CACNA2D3: variants seen among roughly 807,000 people sequenced by gnomAD.
CACNA2D3 encodes the protein calcium voltage-gated channel auxiliary subunit alpha2delta 3.
In CACNA2D3, 60 loss-of-function variants were observed where a neutral mutation model predicts 160.6. The ratio of observed to expected loss-of-function variants is 0.37; its 90% CI spans 0.30 to 0.46. The LOEUF is 0.46. Ranked by LOEUF, CACNA2D3 falls within the 20% of genes least tolerant of loss-of-function variation. The pLI is 1.00. For synonymous variants in CACNA2D3, 558 were observed against 492.9 expected (o/e 1.13, Z -1.75); for missense variants, 1,205 against 1,365.0 (o/e 0.88, Z 1.85).
intron 5 of CACNA2D3, among the ~76,000 whole-genome samples, chr3:54,517,321 A>G (rs1701567672): frequency 6.6e-6 from 1 of 152,226 alleles, no homozygotes; most frequent in Admixed American, 6.5e-5. Context: ...GGTCAAAGCC[A>G]GATTAGAGTG....
At chr3:54,963,776 T>C (rs184898701) in intron 27 of CACNA2D3, among the ~76,000 whole-genome samples, 6 of 152,326 alleles carry the variant, frequency 3.9e-5, no homozygotes, top group African/African-American at 7.2e-5. Flanking sequence ...GTTGTGTCTC[T>C]CACATCTTTT....
At chr3:55,056,950 C>T (rs535758799) in intron 35 of CACNA2D3, among the ~76,000 whole-genome samples, 3 of 152,286 alleles carry the variant, frequency 2.0e-5, no homozygotes, top group African/African-American at 7.2e-5. Context: ...GAATAAATCT[C>T]AAATGCTCTC....
chr3:54,772,140 A>G (rs2107114198), intron 13 of CACNA2D3, among the ~76,000 whole-genome samples: 1 of 149,042 alleles, frequency 6.7e-6, no homozygotes, highest in East Asian at 2.0e-4. Flanking sequence ...GTAGGTAAGT[A>G]TTTGTTGATT....
intron 16 of CACNA2D3, among the ~76,000 whole-genome samples, chr3:54,844,904 A>G (rs148751411): frequency 0.012 from 1,795 of 152,264 alleles, 25 homozygotes; most frequent in Non-Finnish European, 0.017. Context: ...CCCAAATACA[A>G]TTTTTGCCTT....
At chr3:54,726,471 A>G (rs1395074302) in intron 11 of CACNA2D3, among the ~76,000 whole-genome samples, 1 of 152,232 alleles carries the variant, frequency 6.6e-6, no homozygotes, top group Non-Finnish European at 1.5e-5. Context: ...CTGGGCAAGA[A>G]GAGCAAGGCT....
chr3:54,793,394 G>C (rs1559583771), intron 13 of CACNA2D3, among the ~76,000 whole-genome samples: 2 of 152,292 alleles, frequency 1.3e-5, no homozygotes, highest in East Asian at 3.9e-4. Context: ...CTGTCTAAAT[G>C]CCCAGAATTC....
intron 4 of CACNA2D3, among the ~76,000 whole-genome samples, chr3:54,387,150 A>G (rs1446839283): frequency 6.6e-6 from 1 of 152,248 alleles, no homozygotes; most frequent in Non-Finnish European, 1.5e-5. Context: ...ACTGAAAGCA[A>G]TACTGTGATG....
intron 5 of CACNA2D3, among the ~76,000 whole-genome samples, chr3:54,554,708 G>A (rs185737440): frequency 2.4e-3 from 360 of 152,238 alleles, no homozygotes; most frequent in African/African-American, 8.3e-3. Context: ...CTAACCAGTG[G>A]TAAGTGAGAT....
chr3:54,896,667 T>C (rs1472305064), intron 25 of CACNA2D3, 82 bp from the exon 26 acceptor site: 5 of 1,560,368 alleles, frequency 3.2e-6, no homozygotes, highest in Non-Finnish European at 4.4e-6. Context: ...TGGTTTTACC[T>C]GATGAAGGCT....
intron 11 of CACNA2D3, among the ~76,000 whole-genome samples, chr3:54,685,087 C>G (rs1278523938): frequency 6.6e-6 from 1 of 152,028 alleles, no homozygotes; most frequent in Non-Finnish European, 1.5e-5. Flanking sequence ...TGACGAGGCT[C>G]CAGAGAACAA....
At chr3:54,846,660 T>C (rs1698938885) in intron 17 of CACNA2D3, among the ~76,000 whole-genome samples, 193 bp downstream of exon 17, 1 of 152,254 alleles carries the variant, frequency 6.6e-6, no homozygotes. Flanking sequence ...TGGATAAATA[T>C]ATTTACCATT....
At position 54,255,356 on chromosome 3, in the gene CACNA2D3, G is replaced by A. The variant is rs528265691; in HGVS notation, c.205-65086G>A. On this transcript the variant is annotated intron_variant, in intron 2 of 37. Coordinates refer to ENST00000474759, the MANE Select transcript of CACNA2D3 (RefSeq NM_018398.3). ...AATGATCCTGTAAATTCCTAGCAAC[G>A]TGGGACCACTCTTGCGGCTTGCAAA... 3.3e-5 allele frequency among the ~76,000 whole-genome samples: 5 copies of A among 152,330 alleles called. No homozygotes were observed. The South Asian group carries it at 1.0e-3, about 32-fold the overall frequency.
chr3:54,540,976 T>A (rs992356350), intron 5 of CACNA2D3, among the ~76,000 whole-genome samples: 7 of 151,988 alleles, frequency 4.6e-5, no homozygotes, highest in Admixed American at 6.6e-5. Context: ...TAATAATAGG[T>A]GTCCTTTTAA....
intron 2 of CACNA2D3, among the ~76,000 whole-genome samples, chr3:54,227,232 G>A (rs1417055227): frequency 6.6e-6 from 1 of 152,114 alleles, no homozygotes; most frequent in African/African-American, 2.4e-5. Context: ...ATGTTTTCAC[G>A]TTCAGGATCT....
intron 3 of CACNA2D3, among the ~76,000 whole-genome samples, chr3:54,332,822 A>G (rs967681251): frequency 7.2e-5 from 11 of 152,232 alleles, no homozygotes; most frequent in African/African-American, 2.4e-4. Flanking sequence ...TTTGTGGGCT[A>G]TAAGTTATAT....
At chr3:54,347,013 G>T (rs1698471301) in intron 3 of CACNA2D3, among the ~76,000 whole-genome samples, 1 of 152,092 alleles carries the variant, frequency 6.6e-6, no homozygotes, top group Non-Finnish European at 1.5e-5. Flanking sequence ...TTTAGATTCG[G>T]GCAAGTGGCT....
chr3:54,405,110 T>C (rs1699549867), intron 4 of CACNA2D3, among the ~76,000 whole-genome samples: 1 of 151,766 alleles, frequency 6.6e-6, no homozygotes, highest in Non-Finnish European at 1.5e-5. Context: ...TATACTATAC[T>C]ATACTATACT....
At chr3:54,953,562 C>T (rs1196864790) in intron 27 of CACNA2D3, among the ~76,000 whole-genome samples, 3 of 152,156 alleles carry the variant, frequency 2.0e-5, no homozygotes. Context: ...CTCAGGAGAC[C>T]TTATTCTCTC....
intron 11 of CACNA2D3, among the ~76,000 whole-genome samples, chr3:54,683,316 A>G (rs1700387844): frequency 6.6e-6 from 1 of 152,180 alleles, no homozygotes; most frequent in African/African-American, 2.4e-5. Context: ...GCTTCTCTGT[A>G]TGGACTGCCT....
Sources: gnomAD v4.1 joint callset for allele counts (sites outside exome capture counted in the v4.1 genomes callset) on GRCh38, gnomAD v4.1.1 for gene constraint, MANE v1.5 for transcripts, NCBI Gene and HGNC (gene_info 2026-07-23, HGNC 2026-07-21) for gene names.